BSN: variants seen among roughly 807,000 people sequenced by gnomAD.
BSN encodes the protein protein bassoon.
A neutral mutation model predicts 264.8 loss-of-function variants in BSN; 57 were observed. The observed-to-expected ratio is 0.22, with a 90% CI of 0.17 to 0.27. The LOEUF is 0.27. Ranked by LOEUF, BSN falls within the 10% of genes least tolerant of loss-of-function variation. The pLI is 1.00. For missense variants in BSN, 4,615 were observed against 5,232.5 expected, an observed-to-expected ratio of 0.88 and a Z score of 3.64; for synonymous variants, 2,059 against 2,137.3, an observed-to-expected ratio of 0.96 and a Z score of 1.01.
chr3:49,639,134 T>C (rs1373813081), intron 2 of BSN, among the ~76,000 whole-genome samples: 1 of 152,092 alleles, frequency 6.6e-6, no homozygotes, highest in African/African-American at 2.4e-5. Context: ...GGACTGAAAT[T>C]GTTTTCTCTC....
chr3:49,554,875 C>A, intron 1 of BSN, 49 bp downstream of exon 1: 1 of 1,094,548 alleles, frequency 9.1e-7, no homozygotes, highest in Non-Finnish European at 1.1e-6. Context: ...CAGCCTGAGG[C>A]CGGGACCCGG....
At chr3:49,628,122 C>T (rs1254405811) in intron 2 of BSN, among the ~76,000 whole-genome samples, 1 of 152,214 alleles carries the variant, frequency 6.6e-6, no homozygotes, top group Non-Finnish European at 1.5e-5. Flanking sequence ...CAGGGCATCT[C>T]CAAGATGACT....
chr3:49,632,357 A>G (rs568416848), intron 2 of BSN, among the ~76,000 whole-genome samples: 6 of 152,354 alleles, frequency 3.9e-5, no homozygotes, highest in Non-Finnish European at 5.9e-5. Context: ...AATTTTTTAC[A>G]TCTAAAGGCA....
At chr3:49,561,399 G>A (rs2051711004) in intron 1 of BSN, among the ~76,000 whole-genome samples, 1 of 152,196 alleles carries the variant, frequency 6.6e-6, no homozygotes, top group Non-Finnish European at 1.5e-5. Flanking sequence ...GCTTGTGTGG[G>A]GAGCCAAACC....
intron 2 of BSN, among the ~76,000 whole-genome samples, chr3:49,636,229 A>G (rs62262675): frequency 0.11 from 16,900 of 152,234 alleles, 1,268 homozygotes; most frequent in Middle Eastern, 0.19. Context: ...GCGAGGGCCA[A>G]GGACTTGCAG....
intron 3 of BSN, among the ~76,000 whole-genome samples, chr3:49,646,727 A>T (rs1559613068): frequency 1.3e-5 from 2 of 152,172 alleles, no homozygotes; most frequent in South Asian, 2.1e-4. Context: ...GTGTGGATGG[A>T]CCCTGTGGCT....
Position 49,654,096 on chromosome 3 carries a change from G to A in BSN, c.4540G>A (p.Ala1514Thr), listed in dbSNP as rs1454231625. ...TACACAGACGCCAAGTCCAGCCCCT[G>A]CCTCAGACATGCCACGGAGCCCTGG... is the stretch of plus-strand genomic sequence containing the variant. ...FSTQTPSPAP[A>T]SDMPRSPGAP... The change falls in exon 5 of 12, where the codon GCC (alanine) becomes ACC (threonine). Residue 1514 changes from alanine (A) to threonine (T), a missense_variant. Coordinates refer to ENST00000296452, the MANE Select transcript of BSN (RefSeq NM_003458.4). This position sits in a 1 kb window ranked among gnomAD's most constrained non-coding sequence, Gnocchi z 4.1. The A allele has an allele frequency of 6.2e-7, 1 of 1,613,956 alleles. No individual in the cohort carries two copies. The highest frequency in any genetic ancestry group is 2.2e-5 in the East Asian group (1 of 44,884).
rs371632562 is a variant in BSN, at chr3:49,625,052, C to G, written c.302C>G (p.Ala101Gly). 1.9e-6 allele frequency: 3 copies of G among 1,597,066 alleles called. No homozygotes were observed. The highest frequency in any genetic ancestry group is 2.7e-5 in the African/African-American group (2 of 73,712). The change falls in exon 2 of 12, where the codon GCT becomes GGT. Residue 101 changes from alanine (A) to glycine (G), a missense_variant. Ala to Gly is a moderately conservative substitution (Grantham distance 60). Coordinates refer to ENST00000296452, the MANE Select transcript of BSN (RefSeq NM_003458.4). This position sits in a 1 kb window ranked among gnomAD's most constrained non-coding sequence, Gnocchi z 4.4. ...AASPTPKQASATTPGHESPRE... is the reference protein window; with the variant it reads ...AASPTPKQASGTTPGHESPRE... ...TCCCCAACTCCGAAGCAGGCTTCTG[C>G]TACCACTCCTGGCCATGAGAGCCCC...
Position 49,554,658 on chromosome 3 carries a change from G to GCGGCGCCGGCCCCGGCCCGGGCCC in BSN, c.61_84dup (p.Ala21_Gly28dup). On this transcript the variant is annotated inframe_insertion, in exon 1 of 12. Transcript: ENST00000296452. ...GCTGGCGACGGGCCGCTGCCGCCCG[G>GCGGCGCCGGCCCCGGCCCGGGCCC]CGGCGCCGGCCCCGGCCCGGGCCCC... 2 of 988,748 alleles carry GCGGCGCCGGCCCCGGCCCGGGCCC rather than the reference G, an allele frequency of 2.0e-6. No individual in the cohort carries two copies. Among genetic ancestry groups the GCGGCGCCGGCCCCGGCCCGGGCCC allele is most frequent in the Non-Finnish European group, 2.4e-6 (2 of 833,534 alleles). The allele number at this position is 988,748 out of a possible 1,614,324, so 61.2% of individuals were successfully genotyped here.
chr3:49,608,397 C>T (rs2052176863), intron 1 of BSN, among the ~76,000 whole-genome samples: 1 of 152,132 alleles, frequency 6.6e-6, no homozygotes, highest in Non-Finnish European at 1.5e-5. Context: ...GATGGCTTTC[C>T]TTTTTAAATG....
At chr3:49,626,424 C>T (rs1284173664) in intron 2 of BSN, among the ~76,000 whole-genome samples, 19 of 151,868 alleles carry the variant, frequency 1.3e-4, no homozygotes, top group Non-Finnish European at 2.6e-4. Context: ...GGGTGTGGGA[C>T]GTGTGGTTTG....
Position 49,625,188 on chromosome 3 carries a change from G to C in BSN, c.438G>C (p.Pro146=), listed in dbSNP as rs914968863. Residue 146 remains proline, a synonymous_variant, in exon 2 of 12, where the codon CCG becomes CCC. Transcript: ENST00000296452. The surrounding 1 kb of genome is among the most constrained non-coding windows in gnomAD (Gnocchi z 4.4). Reference sequence around the variant, plus strand: ...CAGGGCGGTCCCCCTCAGTGTCACCGGACAGAGGCAGCACCCCCACATCAC... The same window carrying C: ...CAGGGCGGTCCCCCTCAGTGTCACCCGACAGAGGCAGCACCCCCACATCAC... ...QRSGRSPSVS[P]DRGSTPTSPY... The C allele has an allele frequency of 6.4e-7, 1 of 1,560,154 alleles. No homozygotes were observed. Among genetic ancestry groups the C allele is most frequent in the Admixed American group, 1.9e-5 (1 of 51,528 alleles).
chr3:49,607,887 G>T (rs2052171508), intron 1 of BSN, among the ~76,000 whole-genome samples: 1 of 152,254 alleles, frequency 6.6e-6, no homozygotes, highest in South Asian at 2.1e-4. Context: ...GAAAGGGATT[G>T]ATGGCTCCTT....
At chr3:49,592,607 C>A (rs973138910) in intron 1 of BSN, among the ~76,000 whole-genome samples, 1 of 150,872 alleles carries the variant, frequency 6.6e-6, no homozygotes, top group African/African-American at 2.4e-5. Flanking sequence ...AAAAATTAGC[C>A]GGGCGTGGTG....
chr3:49,657,030 G>A lies in BSN; in HGVS notation c.7474G>A (p.Ala2492Thr). 1 of 1,610,078 alleles carries A rather than the reference G, an allele frequency of 6.2e-7. No homozygotes were observed. Among genetic ancestry groups the A allele is most frequent in the Non-Finnish European group, 8.5e-7 (1 of 1,177,556 alleles). ...EAPGRGPPLAAAELAQNGQYW... is the reference protein window; with the variant it reads ...EAPGRGPPLATAELAQNGQYW... ...ACCTGGCCGAGGGCCTCCCCTAGCG[G>A]CTGCTGAGTTGGCCCAGAATGGCCA... The change falls in exon 5 of 12, where the codon GCT (alanine) becomes ACT (threonine). Residue 2492 changes from alanine to threonine, a missense_variant. Ala to Thr is a moderately conservative substitution (Grantham distance 58). Transcript: ENST00000296452.
In BSN at chr3:49,642,335, C is replaced by A; in HGVS notation, c.701C>A (p.Pro234His). The A allele has an allele frequency of 6.3e-7, 1 of 1,599,450 alleles. No homozygotes were observed. Among genetic ancestry groups the A allele is most frequent in the Non-Finnish European group, 8.5e-7 (1 of 1,173,028 alleles). Reference sequence around the variant, plus strand: ...CTGGGAATGGACATGACCACTGCACCTCGCTCCAAGAGCCAGCAGCAGCTG... The same window carrying A: ...CTGGGAATGGACATGACCACTGCACATCGCTCCAAGAGCCAGCAGCAGCTG... ...RALGMDMTTA[P>H]RSKSQQQLHS... The change falls in exon 3 of 12, where the codon CCT (proline) becomes CAT (histidine). Residue 234 changes from proline to histidine, a missense_variant. Coordinates refer to ENST00000296452, the MANE Select transcript of BSN (RefSeq NM_003458.4). The surrounding 1 kb of genome is among the most constrained non-coding windows in gnomAD (Gnocchi z 7.0).
At chr3:49,617,282 A>ATTATATATATATATATATAT (rs2052267039) in intron 1 of BSN, among the ~76,000 whole-genome samples, 1 of 33,430 alleles carries the variant, frequency 3.0e-5, no homozygotes, top group Non-Finnish European at 6.3e-5. Flanking sequence ...AATAAAATAC[A>ATTATATATATATATATATAT]TTATATATAT....
chr3:49,573,129 T>A (rs1010163131), intron 1 of BSN, among the ~76,000 whole-genome samples: 1 of 152,158 alleles, frequency 6.6e-6, no homozygotes, highest in Non-Finnish European at 1.5e-5. Context: ...TTTAATCACA[T>A]ACAAATCAAA....
intron 2 of BSN, among the ~76,000 whole-genome samples, chr3:49,630,288 C>T (rs2052375369): frequency 6.6e-6 from 1 of 152,224 alleles, no homozygotes; most frequent in Non-Finnish European, 1.5e-5. Context: ...GGTGTCTGCC[C>T]AGCCTTCCAA....
Sources: allele counts gnomAD v4.1 joint callset (sites outside exome capture counted in the v4.1 genomes callset), GRCh38; gene constraint gnomAD v4.1.1; non-coding constraint Gnocchi (gnomAD v3.1); transcripts MANE v1.5; gene names NCBI Gene and HGNC (gene_info 2026-07-23, HGNC 2026-07-21).